Variants in ADAMTSL1 observed in about 807,000 individuals in gnomAD.
ADAMTSL1 encodes the protein ADAMTS-like protein 1.
In ADAMTSL1, 126 loss-of-function variants were observed where a neutral mutation model predicts 201.8. That is an observed-to-expected ratio of 0.62 (90% CI 0.54 to 0.72). ADAMTSL1 has a LOEUF of 0.72. Among genes scored for constraint, ADAMTSL1 ranks in the 30% least tolerant of loss-of-function variants. The pLI is 0.00. For synonymous variants in ADAMTSL1, 1,121 were observed against 903.4 expected (o/e 1.24, Z -4.32); for missense variants, 2,679 against 2,277.8 (o/e 1.18, Z -3.59).
At chr9:17,963,057 A>G (rs2131403808) in intron 1 of ADAMTSL1, among the ~76,000 whole-genome samples, 1 of 152,350 alleles carries the variant, frequency 6.6e-6, no homozygotes, top group South Asian at 2.1e-4. Flanking sequence ...CCCTTGAGAT[A>G]AGTAAATGAG....
rs145144564 is a variant in ADAMTSL1, at chr9:18,234,627, C to T, written c.207+70646C>T. 1.4e-3 allele frequency among the ~76,000 whole-genome samples: 209 copies of T among 152,288 alleles called. 2 individuals carry two copies. The highest frequency in any genetic ancestry group is 4.7e-3 in the African/African-American group (197 of 41,564). On this transcript the variant is annotated intron_variant, in intron 2 of 29. Transcript: ENST00000680146. ...AATTAATTCTTGGTTCCCACCAAGACTGACAATTGTTCTCATTTGATTAAC... is the reference window on the plus strand; with the variant it reads ...AATTAATTCTTGGTTCCCACCAAGATTGACAATTGTTCTCATTTGATTAAC...
At chr9:18,838,382 C>CAAACACAG in intron 23 of ADAMTSL1, among the ~76,000 whole-genome samples, 1 of 142,326 alleles carries the variant, frequency 7.0e-6, no homozygotes, top group South Asian at 2.4e-4. Flanking sequence ...CACACACACA[C>CAAACACAG]ACACACACAC....
chr9:18,007,811 G>A (rs1819892884), intron 1 of ADAMTSL1, among the ~76,000 whole-genome samples: 3 of 151,880 alleles, frequency 2.0e-5, no homozygotes, highest in African/African-American at 7.3e-5. Flanking sequence ...TTTCCCCTGG[G>A]GAGAATAGAC....
At chr9:17,938,180 A>T (rs1642314429) in intron 1 of ADAMTSL1, among the ~76,000 whole-genome samples, 1 of 152,132 alleles carries the variant, frequency 6.6e-6, no homozygotes, top group Non-Finnish European at 1.5e-5. Flanking sequence ...TCTAATTTAC[A>T]TGGGGTGTGT....
intron 4 of ADAMTSL1, among the ~76,000 whole-genome samples, chr9:18,616,669 A>T (rs1403815024): frequency 2.6e-5 from 4 of 151,806 alleles, no homozygotes; most frequent in Admixed American, 2.6e-4. Context: ...TCCAGATGTG[A>T]CCTCCCCCCA....
chr9:18,234,248 G>T lies in ADAMTSL1; in HGVS notation c.207+70267G>T, dbSNP rs1041076743. Among the ~76,000 whole-genome samples, 3 of 152,194 alleles carry T rather than the reference G, an allele frequency of 2.0e-5. No homozygotes were observed. The South Asian group carries it at 6.2e-4, about 32-fold the overall frequency. The stretch of plus-strand genomic sequence containing the variant: ...CTGGGGAAGCCTAGGAGCAGAACGT[G>T]TTGGCAGAGAACGAGTGTGTGAGCA... On this transcript the variant is annotated intron_variant, in intron 2 of 29. Transcript: ENST00000680146.
At chr9:18,481,320 G>A (rs1797720736) in intron 1 of ADAMTSL1, among the ~76,000 whole-genome samples, 1 of 152,014 alleles carries the variant, frequency 6.6e-6, no homozygotes, top group African/African-American at 2.4e-5. Flanking sequence ...CGAGGAGGGT[G>A]GATCACCTGA....
chr9:18,166,114 T>C (rs960232), intron 2 of ADAMTSL1, among the ~76,000 whole-genome samples: 55,474 of 151,656 alleles, frequency 0.37, 10,264 homozygotes, highest in Admixed American at 0.43. Context: ...CAAACCTATT[T>C]GATTTTAAGT....
intron 21 of ADAMTSL1, among the ~76,000 whole-genome samples, chr9:18,817,518 G>T (rs749042933): frequency 1.3e-5 from 2 of 152,158 alleles, no homozygotes; most frequent in Non-Finnish European, 2.9e-5. Context: ...CTGCAAAGAT[G>T]GGGGCAAGGA....
chr9:17,963,182 T>A (rs1483526831), intron 1 of ADAMTSL1, among the ~76,000 whole-genome samples: 1 of 152,222 alleles, frequency 6.6e-6, no homozygotes, highest in East Asian at 1.9e-4. Flanking sequence ...TTCATTTTAT[T>A]ATGAAAAATT....
intron 1 of ADAMTSL1, among the ~76,000 whole-genome samples, chr9:18,030,146 C>G (rs974421341): frequency 4.6e-5 from 7 of 152,138 alleles, no homozygotes; most frequent in East Asian, 3.8e-4. Context: ...TGGAACCAAC[C>G]CAAATGTCCA....
At chr9:18,073,657 T>C (rs1823063401) in intron 1 of ADAMTSL1, among the ~76,000 whole-genome samples, 1 of 152,216 alleles carries the variant, frequency 6.6e-6, no homozygotes, top group Non-Finnish European at 1.5e-5. Context: ...TTATTGACAT[T>C]TAAAAGATAT....
chr9:18,888,960 A>C (rs1829071217), intron 24 of ADAMTSL1, among the ~76,000 whole-genome samples: 1 of 152,170 alleles, frequency 6.6e-6, no homozygotes, highest in South Asian at 2.1e-4. Flanking sequence ...TATTTGCAAG[A>C]CTTGTAATAT....
intron 1 of ADAMTSL1, among the ~76,000 whole-genome samples, chr9:17,979,478 ACTCTC>A: frequency 6.7e-6 from 1 of 149,206 alleles, no homozygotes; most frequent in East Asian, 2.0e-4. Context: ...GTCTATTATT[ACTCTC>A]TATTGCATTG....
At chr9:17,986,294 C>G (rs1270490804) in intron 1 of ADAMTSL1, among the ~76,000 whole-genome samples, 2 of 152,010 alleles carry the variant, frequency 1.3e-5, no homozygotes, top group Non-Finnish European at 2.9e-5. Context: ...ACCACCTACT[C>G]TCCTTAGGAA....
At position 18,750,303 on chromosome 9, in the gene ADAMTSL1, G is replaced by A. The variant is rs112055834; in HGVS notation, c.2007-2995G>A. ...ACTCCTCTTCTAGTTTTTACCCACC[G>A]AGGGTAACCAATGTTCTGGCTCCTA... On this transcript the variant is annotated intron_variant, in intron 15 of 28. Transcript: ENST00000380548. Among the ~76,000 whole-genome samples, 849 of 152,168 alleles carry A rather than the reference G, an allele frequency of 5.6e-3. 6 individuals carry two copies. Among genetic ancestry groups the A allele is most frequent in the African/African-American group, 0.018 (746 of 41,510 alleles).
At position 18,853,918 on chromosome 9, in the gene ADAMTSL1, T is replaced by TGTGTGTGTGTGTGTGTGTGCGCGC. The variant is rs139332733; in HGVS notation, c.4249+23942_4249+23943insTGTGTGTGTGTGTGTGTGCGCGCG. ...GTGTGTGTGTGTGTGTGTGTGTGTG[T>TGTGTGTGTGTGTGTGTGTGCGCGC]GCGCGTGCATGCAAATAGTTGATTA... is the stretch of plus-strand genomic sequence containing the variant. On this transcript the variant is annotated intron_variant, in intron 23 of 28. Coordinates refer to ENST00000380548, the MANE Select transcript of ADAMTSL1 (RefSeq NM_001040272.6). Among the ~76,000 whole-genome samples the TGTGTGTGTGTGTGTGTGTGCGCGC allele has an allele frequency of 7.5e-4, 109 of 145,486 alleles. 1 individual carries two copies. The highest frequency in any genetic ancestry group is 3.3e-3 in the Admixed American group (49 of 14,718).
At chr9:17,976,747 C>T (rs768175025) in intron 1 of ADAMTSL1, among the ~76,000 whole-genome samples, 7 of 150,334 alleles carry the variant, frequency 4.7e-5, no homozygotes, top group Non-Finnish European at 1.0e-4. Context: ...CCTGCCTCCC[C>T]GATCCATCCA....
At chr9:18,857,452 C>G (rs1826932303) in intron 23 of ADAMTSL1, among the ~76,000 whole-genome samples, 1 of 152,176 alleles carries the variant, frequency 6.6e-6, no homozygotes, top group Non-Finnish European at 1.5e-5. Context: ...AAATATGTCC[C>G]TCAGATTGGA....
Sources: gnomAD v4.1 joint callset for allele counts (sites outside exome capture counted in the v4.1 genomes callset) on GRCh38, gnomAD v4.1.1 for gene constraint, MANE v1.5 for transcripts, NCBI Gene and HGNC (gene_info 2026-07-23, HGNC 2026-07-21) for gene names.